PTPRQ: variants seen among roughly 807,000 people sequenced by gnomAD.
PTPRQ encodes phosphatidylinositol phosphatase PTPRQ.
In PTPRQ, 199 loss-of-function variants were observed where a neutral mutation model predicts 246.0. The ratio of observed to expected loss-of-function variants is 0.81; its 90% confidence interval spans 0.72 to 0.91. The LOEUF is 0.91. Among genes scored for constraint, PTPRQ ranks in the 40% least tolerant of loss-of-function variants. PTPRQ has a pLI of 0.00. For missense variants in PTPRQ, 2,624 were observed against 2,528.4 expected (o/e 1.04, Z -0.81); for synonymous variants, 869 against 853.2 (o/e 1.02, Z -0.32).
chr12:80,574,824 GCTGT>G (rs1897241270), intron 25 of PTPRQ, among the ~76,000 whole-genome samples: 1 of 152,080 alleles, frequency 6.6e-6, no homozygotes, highest in Non-Finnish European at 1.5e-5. Context: ...CGGTTTTTCA[GCTGT>G]CTTTCTACTG....
chr12:80,538,094 G>C (rs1241396022), intron 19 of PTPRQ, among the ~76,000 whole-genome samples: 2 of 152,068 alleles, frequency 1.3e-5, no homozygotes, highest in African/African-American at 4.8e-5. Flanking sequence ...GGGCAACAGA[G>C]TGAGACTCTG....
chr12:80,609,776 C>G (rs1472603472), intron 27 of PTPRQ, among the ~76,000 whole-genome samples: 3 of 150,340 alleles, frequency 2.0e-5, no homozygotes, highest in Admixed American at 1.3e-4. Flanking sequence ...TTAAAAAGAG[C>G]AGAAAATATC....
intron 3 of PTPRQ, among the ~76,000 whole-genome samples, chr12:80,450,299 GA>G (rs1892711515): frequency 6.6e-6 from 1 of 152,124 alleles, no homozygotes; most frequent in Non-Finnish European, 1.5e-5. Flanking sequence ...GGGTTTTCTA[GA>G]TATACAATCA....
At position 80,662,660 on chromosome 12, in the gene PTPRQ, A is replaced by G. The variant is rs79883390; in HGVS notation, c.6192+4599A>G. On this transcript the variant is annotated intron_variant, in intron 39 of 44. Coordinates refer to ENST00000644991, the MANE Select transcript of PTPRQ (RefSeq NM_001145026.2). ...ATTGCTGTTGATGTTTCATGGTAGT[A>G]GATTCTACATTTTCCTGGCTGATAA... is the stretch of plus-strand genomic sequence containing the variant. Among the ~76,000 whole-genome samples the G allele has an allele frequency of 1.9e-4, 29 of 152,130 alleles. No individual in the cohort carries two copies. The East Asian group carries it at 4.1e-3, about 21-fold the overall frequency.
intron 35 of PTPRQ, among the ~76,000 whole-genome samples, chr12:80,648,166 T>C (rs1008468784): frequency 1.3e-5 from 2 of 152,098 alleles, no homozygotes; most frequent in Admixed American, 6.6e-5. Flanking sequence ...CCTAATATTA[T>C]TCTAGATTTA....
intron 17 of PTPRQ, among the ~76,000 whole-genome samples, chr12:80,516,227 C>A (rs1895295125): frequency 6.6e-6 from 1 of 152,162 alleles, no homozygotes; most frequent in Non-Finnish European, 1.5e-5. Context: ...AATTGTTTAG[C>A]ACTTTTACTT....
At chr12:80,635,126 C>G (rs1320562820) in intron 35 of PTPRQ, 53 bp downstream of exon 35, 1 of 1,521,906 alleles carries the variant, frequency 6.6e-7, no homozygotes, top group Non-Finnish European at 8.8e-7. Context: ...GAGCCATGAC[C>G]CTATTCTGAC....
At chr12:80,577,192 A>G (rs1002790134) in intron 25 of PTPRQ, among the ~76,000 whole-genome samples, 4 of 152,220 alleles carry the variant, frequency 2.6e-5, no homozygotes, top group Admixed American at 2.0e-4. Context: ...TCACACTGCT[A>G]TGAAGAAATA....
intron 17 of PTPRQ, among the ~76,000 whole-genome samples, chr12:80,512,389 C>T (rs1017784561): frequency 1.3e-5 from 2 of 152,188 alleles, no homozygotes; most frequent in African/African-American, 4.8e-5. Context: ...GGATGCTGTT[C>T]ACCCAGTTTT....
At chr12:80,516,597 A>G (rs772247226) in intron 17 of PTPRQ, among the ~76,000 whole-genome samples, 3 of 152,216 alleles carry the variant, frequency 2.0e-5, no homozygotes, top group Non-Finnish European at 4.4e-5. Context: ...TTTATTAAAT[A>G]TCACTGGTCA....
At chr12:80,472,049 A>ATTGC in intron 7 of PTPRQ, 56 bp from the exon 8 acceptor site, 1 of 1,543,704 alleles carries the variant, frequency 6.5e-7, no homozygotes, top group Non-Finnish European at 8.8e-7. Context: ...CTTAAATGTG[A>ATTGC]ACATGATTGC....
intron 33 of PTPRQ, among the ~76,000 whole-genome samples, chr12:80,631,348 G>A (rs529907994): frequency 2.6e-5 from 4 of 151,866 alleles, no homozygotes; most frequent in South Asian, 4.2e-4. Flanking sequence ...TGTGGCCTCC[G>A]AATTGAAGAT....
chr12:80,558,313 G>A (rs567314054), intron 25 of PTPRQ, among the ~76,000 whole-genome samples: 44 of 151,480 alleles, frequency 2.9e-4, no homozygotes, highest in Non-Finnish European at 5.9e-4. Flanking sequence ...GACTACAGGC[G>A]CATGCCACTG....
chr12:80,478,850 A>T (rs1443517972), intron 8 of PTPRQ, among the ~76,000 whole-genome samples: 1 of 152,174 alleles, frequency 6.6e-6, no homozygotes, highest in Non-Finnish European at 1.5e-5. Context: ...GAAATGAGCA[A>T]AGCCTCCAAG....
chr12:80,618,924 A>G (rs1898869607), intron 30 of PTPRQ, among the ~76,000 whole-genome samples: 2 of 151,564 alleles, frequency 1.3e-5, no homozygotes, highest in Non-Finnish European at 3.0e-5. Flanking sequence ...TTATGTGAAC[A>G]TGGAAAAAAA....
chr12:80,463,418 A>G (rs7316607), intron 6 of PTPRQ, among the ~76,000 whole-genome samples: 44,412 of 152,138 alleles, frequency 0.29, 6,858 homozygotes, highest in African/African-American at 0.36. Flanking sequence ...GATGGCGAGA[A>G]TGGAATCAAG....
At chr12:80,484,856 G>T (rs956779793) in intron 9 of PTPRQ, among the ~76,000 whole-genome samples, 1 of 152,032 alleles carries the variant, frequency 6.6e-6, no homozygotes, top group Admixed American at 6.6e-5. Context: ...AGGACTAAAG[G>T]TATTTTCATA....
intron 35 of PTPRQ, among the ~76,000 whole-genome samples, chr12:80,643,906 A>G (rs1899980193): frequency 1.3e-5 from 2 of 152,228 alleles, no homozygotes. Flanking sequence ...ATACAAATAC[A>G]TATTTTTACA....
intron 3 of PTPRQ, among the ~76,000 whole-genome samples, chr12:80,450,051 A>C (rs1221861750): frequency 6.6e-6 from 1 of 151,906 alleles, no homozygotes; most frequent in Admixed American, 6.6e-5. Flanking sequence ...TTTATATTTC[A>C]TTGAGCAGTG....
Sources: gnomAD v4.1 joint callset for allele counts (sites outside exome capture counted in the v4.1 genomes callset) on GRCh38, gnomAD v4.1.1 for gene constraint, MANE v1.5 for transcripts, NCBI Gene and HGNC (gene_info 2026-07-23, HGNC 2026-07-21) for gene names.